Variants in FAT3 observed in about 807,000 individuals in gnomAD.
FAT3 encodes protocadherin Fat 3.
Under a neutral mutation model 310.2 loss-of-function variants are expected in FAT3, and 95 were observed. That is an observed-to-expected ratio of 0.31 (90% CI 0.26 to 0.36). The LOEUF is 0.36. Among genes scored for constraint, FAT3 ranks in the 10% least tolerant of loss-of-function variants. The pLI is 1.00. For synonymous variants in FAT3, 2,314 were observed against 2,192.9 expected (o/e 1.06, Z -1.54); for missense variants, 5,408 against 5,715.6 (o/e 0.95, Z 1.74).
At chr11:92,575,962 G>A (rs1196605141) in intron 3 of FAT3, among the ~76,000 whole-genome samples, 1 of 152,108 alleles carries the variant, frequency 6.6e-6, no homozygotes, top group East Asian at 1.9e-4. Context: ...TTAGTTTGAG[G>A]TTTACATACT....
chr11:92,636,500 T>C (rs1469903157), intron 3 of FAT3, among the ~76,000 whole-genome samples: 1 of 152,228 alleles, frequency 6.6e-6, no homozygotes, highest in Non-Finnish European at 1.5e-5. Flanking sequence ...TGTGGTAGAA[T>C]TTAGACAAAT....
At chr11:92,621,206 G>A (rs1242937233) in intron 3 of FAT3, among the ~76,000 whole-genome samples, 1 of 152,048 alleles carries the variant, frequency 6.6e-6, no homozygotes. Context: ...GTGATCACGT[G>A]TCTCCTTCCC....
At chr11:92,542,056 T>G (rs946379176) in intron 3 of FAT3, among the ~76,000 whole-genome samples, 12 of 151,972 alleles carry the variant, frequency 7.9e-5, no homozygotes, top group African/African-American at 2.9e-4. Flanking sequence ...AACTAAAATT[T>G]CAACGAAAAT....
chr11:92,372,526 G>A (rs1178072828), intron 2 of FAT3, among the ~76,000 whole-genome samples: 1 of 152,052 alleles, frequency 6.6e-6, no homozygotes, highest in Non-Finnish European at 1.5e-5. Context: ...AAACTGAAGT[G>A]TGCAAAATGA....
In FAT3 at chr11:92,256,555, C is replaced by G. The variant is rs183139312; in HGVS notation, c.-18+31381C>G. On this transcript the variant is annotated intron_variant, in intron 1 of 27. Transcript: ENST00000525166. ...GAATTAGAAAACCAAAGTGTGAAAC[C>G]AAAAGAAAATCCATGTATCATTTGG... 2.9e-3 allele frequency among the ~76,000 whole-genome samples: 447 copies of G among 151,916 alleles called. 1 individual carries two copies. The highest frequency in any genetic ancestry group is 0.01 in the African/African-American group (417 of 41,424).
intron 3 of FAT3, among the ~76,000 whole-genome samples, chr11:92,600,335 A>G (rs1939953840): frequency 6.6e-6 from 1 of 152,238 alleles, no homozygotes; most frequent in South Asian, 2.1e-4. Flanking sequence ...CCTGATTTAC[A>G]GCTACATTTG....
At chr11:92,432,502 C>T (rs1950813255) in intron 2 of FAT3, among the ~76,000 whole-genome samples, 2 of 152,140 alleles carry the variant, frequency 1.3e-5, no homozygotes, top group Admixed American at 6.6e-5. Flanking sequence ...GTTAGTTTTT[C>T]TTCTAACAGT....
chr11:92,782,504 C>T (rs771761257), intron 7 of FAT3, among the ~76,000 whole-genome samples: 33 of 151,982 alleles, frequency 2.2e-4, no homozygotes, highest in Non-Finnish European at 3.7e-4. Context: ...CCTGGGAGGT[C>T]GAGGCTGCAG....
chr11:92,765,236 T>A, intron 6 of FAT3, 147 bp downstream of exon 6: 2 of 733,060 alleles, frequency 2.7e-6, no homozygotes, highest in East Asian at 2.7e-5. Context: ...AAAGAGCCAG[T>A]AAAGTGAATA....
chr11:92,579,102 TA>T (rs1328520080), intron 3 of FAT3, among the ~76,000 whole-genome samples: 2 of 152,058 alleles, frequency 1.3e-5, no homozygotes, highest in Non-Finnish European at 2.9e-5. Context: ...AATCTAAAAG[TA>T]AAATTTGTAC....
At chr11:92,338,452 G>T (rs1948149257) in intron 1 of FAT3, among the ~76,000 whole-genome samples, 1 of 152,094 alleles carries the variant, frequency 6.6e-6, no homozygotes, top group South Asian at 2.1e-4. Flanking sequence ...GAATTATGGG[G>T]ATTGTGCTTG....
At chr11:92,603,470 T>C (rs1326504533) in intron 3 of FAT3, among the ~76,000 whole-genome samples, 1 of 152,246 alleles carries the variant, frequency 6.6e-6, no homozygotes, top group Non-Finnish European at 1.5e-5. Context: ...GAAACAAAAT[T>C]ATGCCTTGAT....
chr11:92,551,060 A>G (rs1272140267), intron 3 of FAT3, among the ~76,000 whole-genome samples: 1 of 151,912 alleles, frequency 6.6e-6, no homozygotes, highest in Non-Finnish European at 1.5e-5. Flanking sequence ...TGAGTCTCAG[A>G]CAGAGTGTTG....
intron 1 of FAT3, among the ~76,000 whole-genome samples, chr11:92,264,349 CAG>C (rs974430139): frequency 3.3e-5 from 5 of 152,040 alleles, no homozygotes; most frequent in African/African-American, 9.7e-5. Flanking sequence ...CTAACTGCAT[CAG>C]TTTCCACATT....
At chr11:92,594,356 T>A (rs1329623167) in intron 3 of FAT3, among the ~76,000 whole-genome samples, 2 of 152,132 alleles carry the variant, frequency 1.3e-5, no homozygotes, top group Non-Finnish European at 2.9e-5. Context: ...GGCAGGAGAA[T>A]CACTGAACCC....
In FAT3 at chr11:92,465,304, A is replaced by G. The variant is rs573992494; in HGVS notation, c.3293-59330A>G. ...GTGCCAGAAAGTTCATATTAAGCCAATGCAATTATCAGAATTATTTTTTAA... is the reference window on the plus strand; with the variant it reads ...GTGCCAGAAAGTTCATATTAAGCCAGTGCAATTATCAGAATTATTTTTTAA... On this transcript the variant is annotated intron_variant, in intron 2 of 27. Transcript: ENST00000525166. Among the ~76,000 whole-genome samples the G allele has an allele frequency of 9.5e-4, 144 of 152,334 alleles. 1 individual carries two copies. The highest frequency in any genetic ancestry group is 3.4e-3 in the African/African-American group (142 of 41,588).
chr11:92,777,924 C>G (rs12222931), intron 7 of FAT3, among the ~76,000 whole-genome samples: 62,818 of 151,598 alleles, frequency 0.41, 14,895 homozygotes, highest in South Asian at 0.63. Flanking sequence ...ATGGGGTTTG[C>G]CTCACATGTT....
At chr11:92,364,212 A>G (rs1323327529) in intron 2 of FAT3, among the ~76,000 whole-genome samples, 2 of 152,178 alleles carry the variant, frequency 1.3e-5, no homozygotes, top group Non-Finnish European at 2.9e-5. Flanking sequence ...TTTATATTTA[A>G]TAATAGACAT....
chr11:92,442,059 C>T (rs1263799763), intron 2 of FAT3, among the ~76,000 whole-genome samples: 3 of 129,014 alleles, frequency 2.3e-5, no homozygotes, highest in African/African-American at 9.5e-5. Flanking sequence ...TTTTTAAGTG[C>T]AAAACTTAAG....
Sources: allele counts gnomAD v4.1 joint callset (sites outside exome capture counted in the v4.1 genomes callset), GRCh38; gene constraint gnomAD v4.1.1; transcripts MANE v1.5; gene names NCBI Gene and HGNC (gene_info 2026-07-23, HGNC 2026-07-21).